The following EPHA6 variants were observed in gnomAD, a reference collection of about 807,000 sequenced individuals.
EPHA6 encodes ephrin type-A receptor 6.
A neutral mutation model predicts 112.0 loss-of-function variants in EPHA6; 50 were observed. The observed-to-expected ratio is 0.45, with a 90% CI of 0.36 to 0.56. The LOEUF (loss-of-function observed/expected upper bound fraction) is 0.56, where lower values mean the gene tolerates loss of function less well. Ranked by LOEUF, EPHA6 falls within the 20% of genes least tolerant of loss-of-function variation. The pLI is 0.00. For missense variants in EPHA6, 1,280 were observed against 1,417.4 expected (o/e 0.90, Z 1.56); for synonymous variants, 529 against 490.7 (o/e 1.08, Z -1.03).
intron 2 of EPHA6, among the ~76,000 whole-genome samples, chr3:96,959,709 A>G (rs1002996956): frequency 2.6e-5 from 4 of 151,866 alleles, no homozygotes; most frequent in African/African-American, 7.3e-5. Context: ...ATTTTTGTGC[A>G]TGTGGATATC....
chr3:97,019,017 A>G (rs1234252695), intron 3 of EPHA6, among the ~76,000 whole-genome samples: 2 of 152,044 alleles, frequency 1.3e-5, no homozygotes, highest in African/African-American at 4.8e-5. Flanking sequence ...CTCAGCTCCT[A>G]TCTCTGTATG....
At chr3:96,947,034 T>G (rs920943813) in intron 2 of EPHA6, among the ~76,000 whole-genome samples, 6 of 152,074 alleles carry the variant, frequency 3.9e-5, no homozygotes, top group Admixed American at 6.5e-5. Flanking sequence ...TTGTTTGTTT[T>G]TTTTTTTGTA....
intron 12 of EPHA6, chr3:97,606,394 C>T (rs1022869804): frequency 6.6e-6 from 1 of 151,316 alleles, no homozygotes; most frequent in African/African-American, 2.4e-5. Flanking sequence ...AGAATATGGG[C>T]AGTGGCAACA....
intron 3 of EPHA6, among the ~76,000 whole-genome samples, chr3:97,023,574 T>C (rs2044535734): frequency 6.6e-6 from 1 of 152,112 alleles, no homozygotes; most frequent in African/African-American, 2.4e-5. Context: ...TTAGATATAA[T>C]ATTAGCAAAC....
chr3:97,282,968 G>A (rs1206863913), intron 5 of EPHA6, among the ~76,000 whole-genome samples: 1 of 152,010 alleles, frequency 6.6e-6, no homozygotes, highest in Non-Finnish European at 1.5e-5. Context: ...TCCATGTCCT[G>A]CACATGTATC....
intron 1 of EPHA6, among the ~76,000 whole-genome samples, chr3:96,840,638 C>G (rs1576111379): frequency 6.6e-6 from 1 of 152,236 alleles, no homozygotes; most frequent in Middle Eastern, 3.4e-3. Flanking sequence ...TAACTCAGAG[C>G]TGACACACTG....
intron 17 of EPHA6, 29 bp downstream of exon 17, chr3:97,747,601 C>A: frequency 1.3e-6 from 2 of 1,550,434 alleles, no homozygotes; most frequent in Non-Finnish European, 1.7e-6. Flanking sequence ...ATTACTGTAA[C>A]GAGATGTCCT....
intron 16 of EPHA6, among the ~76,000 whole-genome samples, chr3:97,736,893 A>G (rs1428325774): frequency 6.6e-6 from 1 of 152,088 alleles, no homozygotes; most frequent in Non-Finnish European, 1.5e-5. Context: ...TAACCAGTGC[A>G]TATCCAAAGC....
chr3:97,087,804 A>G (rs540119901), intron 3 of EPHA6, among the ~76,000 whole-genome samples: 1 of 152,292 alleles, frequency 6.6e-6, no homozygotes, highest in South Asian at 2.1e-4. Context: ...TTAATGTTCA[A>G]TGTGATCATT....
At position 97,118,481 on chromosome 3, in the gene EPHA6, C is replaced by CT. The variant is rs1302244501; in HGVS notation, c.1115-107776dup. On this transcript the variant is annotated intron_variant, in intron 3 of 17. Transcript: ENST00000389672. ...AACTTTTGGAGACTGATAATTCCCT[C>CT]TTTTTTTGAAATATCTCAATATAAA... is the stretch of plus-strand genomic sequence containing the variant. 2.6e-5 allele frequency among the ~76,000 whole-genome samples: 4 copies of CT among 151,890 alleles called. No individual in the cohort carries two copies. In the East Asian group the frequency reaches 5.8e-4, roughly 22 times the overall value.
intron 2 of EPHA6, among the ~76,000 whole-genome samples, chr3:96,967,088 A>G (rs1233223799): frequency 1.3e-5 from 2 of 151,754 alleles, no homozygotes; most frequent in African/African-American, 2.4e-5. Context: ...AAGAAAATTC[A>G]TTGATAATCC....
intron 5 of EPHA6, among the ~76,000 whole-genome samples, chr3:97,365,756 G>A (rs2084688288): frequency 6.6e-6 from 1 of 152,122 alleles, no homozygotes; most frequent in Non-Finnish European, 1.5e-5. Flanking sequence ...CTCCATCTTT[G>A]TGATTTTCAT....
intron 5 of EPHA6, among the ~76,000 whole-genome samples, chr3:97,388,516 G>GA (rs564331937): frequency 1.3e-4 from 19 of 151,832 alleles, no homozygotes; most frequent in South Asian, 1.3e-3. Flanking sequence ...ATTCTTATGG[G>GA]AAAAAAAATG....
chr3:97,565,433 ACAT>A (rs1343360629), intron 11 of EPHA6, among the ~76,000 whole-genome samples: 1 of 152,226 alleles, frequency 6.6e-6, no homozygotes, highest in African/African-American at 2.4e-5. Context: ...AATCTGTGAC[ACAT>A]CATAGTCAAG....
intron 5 of EPHA6, among the ~76,000 whole-genome samples, chr3:97,399,208 T>C (rs2086850704): frequency 6.6e-6 from 1 of 151,640 alleles, no homozygotes; most frequent in South Asian, 2.1e-4. Context: ...TATCTTTCTG[T>C]GACTTACATA....
At chr3:97,168,680 A>G (rs2076607000) in intron 3 of EPHA6, among the ~76,000 whole-genome samples, 1 of 150,760 alleles carries the variant, frequency 6.6e-6, no homozygotes, top group South Asian at 2.1e-4. Context: ...GCCTTCTACT[A>G]TGATTGTAAG....
intron 3 of EPHA6, among the ~76,000 whole-genome samples, chr3:97,217,675 A>C (rs1267744883): frequency 6.6e-6 from 1 of 152,084 alleles, no homozygotes; most frequent in African/African-American, 2.4e-5. Context: ...CACAATATCC[A>C]ATCATATGCT....
chr3:97,042,033 G>A (rs977660693), intron 3 of EPHA6, among the ~76,000 whole-genome samples: 2 of 152,110 alleles, frequency 1.3e-5, no homozygotes, highest in Non-Finnish European at 2.9e-5. Context: ...ATATGTCATA[G>A]TTGTCCAGGG....
intron 3 of EPHA6, among the ~76,000 whole-genome samples, chr3:97,023,368 C>T (rs145264512): frequency 8.6e-4 from 131 of 152,234 alleles, no homozygotes; most frequent in African/African-American, 2.9e-3. Flanking sequence ...CTTGAGCCAC[C>T]GCTCTCGGCC....
Sources: allele counts gnomAD v4.1 joint callset (sites outside exome capture counted in the v4.1 genomes callset), GRCh38; gene constraint gnomAD v4.1.1; transcripts MANE v1.5; gene names NCBI Gene and HGNC (gene_info 2026-07-23, HGNC 2026-07-21).